The following PTPRK variants were observed in gnomAD, a reference collection of about 807,000 sequenced individuals.
The protein encoded by PTPRK is protein tyrosine phosphatase receptor type K, also known as receptor-type tyrosine-protein phosphatase kappa.
In PTPRK, 75 loss-of-function variants were observed where a neutral mutation model predicts 178.0. The observed-to-expected ratio is 0.42, with a 90% CI of 0.35 to 0.51. The LOEUF is 0.51. Among genes scored for constraint, PTPRK ranks in the 20% least tolerant of loss-of-function variants. The pLI, the probability that PTPRK is intolerant of heterozygous loss-of-function variation, is 0.02. For synonymous variants in PTPRK, 637 were observed against 620.6 expected (o/e 1.03, Z -0.39); for missense variants, 1,441 against 1,797.8 (o/e 0.80, Z 3.59).
chr6:128,185,905 T>C (rs1371082032), intron 6 of PTPRK, among the ~76,000 whole-genome samples: 1 of 152,160 alleles, frequency 6.6e-6, no homozygotes, highest in Non-Finnish European at 1.5e-5. Flanking sequence ...TACCTTCTTA[T>C]GCAGGTTTAA....
At chr6:128,327,386 A>G (rs920841134) in intron 2 of PTPRK, among the ~76,000 whole-genome samples, 2 of 152,212 alleles carry the variant, frequency 1.3e-5, no homozygotes, top group African/African-American at 2.4e-5. Flanking sequence ...ATAAACTAAA[A>G]GCAAAATTTC....
chr6:128,195,570 C>T (rs982145892), intron 6 of PTPRK, among the ~76,000 whole-genome samples: 5 of 152,096 alleles, frequency 3.3e-5, no homozygotes, highest in African/African-American at 1.2e-4. Flanking sequence ...GTCACGATGA[C>T]TTGTCCAGGC....
intron 21 of PTPRK, among the ~76,000 whole-genome samples, chr6:127,990,471 T>G (rs887047251): frequency 6.6e-6 from 1 of 152,144 alleles, no homozygotes; most frequent in Non-Finnish European, 1.5e-5. Flanking sequence ...CCTACTTCCT[T>G]CCCCAACATT....
intron 2 of PTPRK, among the ~76,000 whole-genome samples, chr6:128,338,995 T>C (rs1831313800): frequency 6.6e-6 from 1 of 152,158 alleles, no homozygotes; most frequent in East Asian, 1.9e-4. Context: ...ATAAATCCCA[T>C]AATGCTATTA....
intron 12 of PTPRK, 30 bp from the exon 13 acceptor site, chr6:128,064,824 G>C: frequency 6.4e-7 from 1 of 1,558,850 alleles, no homozygotes; most frequent in South Asian, 1.2e-5. Context: ...AAAAAAAAGA[G>C]TCAATGTACA....
chr6:128,368,949 AC>A (rs1302876904), intron 2 of PTPRK, among the ~76,000 whole-genome samples: 4 of 147,672 alleles, frequency 2.7e-5, no homozygotes, highest in Non-Finnish European at 3.0e-5. Flanking sequence ...AAACAAACAA[AC>A]AAAAAAAAAA....
chr6:128,509,181 T>C (rs1314338453), intron 1 of PTPRK, among the ~76,000 whole-genome samples: 2 of 152,084 alleles, frequency 1.3e-5, no homozygotes, highest in East Asian at 1.9e-4. Flanking sequence ...GTATAGTATA[T>C]TTAAGGGTGG....
At chr6:128,028,516 C>T (rs1401894908) in intron 13 of PTPRK, among the ~76,000 whole-genome samples, 1 of 152,226 alleles carries the variant, frequency 6.6e-6, no homozygotes, top group Non-Finnish European at 1.5e-5. Flanking sequence ...ACTGCATTAA[C>T]TTTCATGTCT....
intron 1 of PTPRK, among the ~76,000 whole-genome samples, chr6:128,502,605 T>G (rs1417417458): frequency 6.6e-6 from 1 of 152,174 alleles, no homozygotes; most frequent in East Asian, 1.9e-4. Context: ...CTATACCAGC[T>G]CCTGAAAGTC....
In PTPRK at chr6:128,505,395, C is replaced by T. The variant is rs370932246; in HGVS notation, c.100+14864G>A. ...GGCGGAGGTTGCAGTGAGCTGAGAT[C>T]GTGCCATTGCACTCCAGCCTGGGCA... On this transcript the variant is annotated intron_variant, in intron 1 of 29. Transcript: ENST00000368226. Among the ~76,000 whole-genome samples, 357 of 151,642 alleles carry T rather than the reference C, an allele frequency of 2.4e-3. 1 individual carries two copies. The highest frequency in any genetic ancestry group is 3.9e-3 in the Non-Finnish European group (264 of 67,878).
chr6:128,146,424 ATG>A (rs35899707), intron 7 of PTPRK, among the ~76,000 whole-genome samples: 11,191 of 135,224 alleles, frequency 0.083, 813 homozygotes, highest in African/African-American at 0.21. Context: ...GTGTGTGTTT[ATG>A]TGTGTGTGTG....
chr6:128,167,942 T>C (rs900189755), intron 7 of PTPRK, among the ~76,000 whole-genome samples: 1 of 152,110 alleles, frequency 6.6e-6, no homozygotes, highest in African/African-American at 2.4e-5. Flanking sequence ...ACCAAAAACC[T>C]ACTTTTAAAT....
chr6:128,111,760 C>T (rs565393259), intron 7 of PTPRK, among the ~76,000 whole-genome samples: 1 of 152,028 alleles, frequency 6.6e-6, no homozygotes, highest in Non-Finnish European at 1.5e-5. Context: ...CATATCTTCT[C>T]CATGCTCAGT....
intron 7 of PTPRK, among the ~76,000 whole-genome samples, chr6:128,132,602 T>A (rs1794424404): frequency 6.6e-6 from 1 of 152,266 alleles, no homozygotes; most frequent in South Asian, 2.1e-4. Context: ...ATCTTTCCTG[T>A]ATTACGCTGA....
chr6:128,171,493 C>G (rs1001320416), intron 7 of PTPRK, among the ~76,000 whole-genome samples: 1 of 151,974 alleles, frequency 6.6e-6, no homozygotes, highest in Non-Finnish European at 1.5e-5. Context: ...TCACTCCAGA[C>G]TCTTTAAGTA....
intron 27 of PTPRK, among the ~76,000 whole-genome samples, chr6:127,974,667 C>T (rs1446009353): frequency 6.6e-6 from 1 of 152,190 alleles, no homozygotes; most frequent in South Asian, 2.1e-4. Context: ...TCTCTGATCA[C>T]ACAGTTATGT....
At chr6:127,975,438 T>G (rs1774423358) in intron 27 of PTPRK, among the ~76,000 whole-genome samples, 1 of 152,208 alleles carries the variant, frequency 6.6e-6, no homozygotes, top group Non-Finnish European at 1.5e-5. Context: ...TTCCATTCCC[T>G]GCTCATAGTT....
At chr6:128,119,151 T>C (rs1361800497) in intron 7 of PTPRK, among the ~76,000 whole-genome samples, 1 of 152,126 alleles carries the variant, frequency 6.6e-6, no homozygotes, top group South Asian at 2.1e-4. Context: ...GCTAGTAAAG[T>C]ATATTTACAG....
intron 1 of PTPRK, among the ~76,000 whole-genome samples, chr6:128,405,782 AAACAG>A (rs1841579280): frequency 1.3e-5 from 2 of 151,936 alleles, no homozygotes; most frequent in African/African-American, 4.8e-5. Context: ...AAGGGACGTA[AAACAG>A]AATTCCGTGA....
Sources: gnomAD v4.1 joint callset for allele counts (sites outside exome capture counted in the v4.1 genomes callset) on GRCh38, gnomAD v4.1.1 for gene constraint, MANE v1.5 for transcripts, NCBI Gene and HGNC (gene_info 2026-07-23, HGNC 2026-07-21) for gene names.